Variants in DOCK8 observed in about 807,000 individuals in gnomAD.
DOCK8 encodes the protein dedicator of cytokinesis 8.
In DOCK8, 141 loss-of-function variants were observed where a neutral mutation model predicts 245.6. The observed-to-expected ratio is 0.57, with a 90% CI of 0.50 to 0.66. The LOEUF (loss-of-function observed/expected upper bound fraction) is 0.66. Among genes scored for constraint, DOCK8 ranks in the 30% least tolerant of loss-of-function variants. The pLI is 0.00. For synonymous variants in DOCK8, 1,168 were observed against 970.2 expected (o/e 1.20, Z -3.79); for missense variants, 2,965 against 2,603.4 (o/e 1.14, Z -3.02).
At chr9:336,814 A>G (rs371347200) in intron 12 of DOCK8, 96 bp downstream of exon 12, 31 of 1,460,478 alleles carry the variant, frequency 2.1e-5, no homozygotes, top group South Asian at 1.3e-4. Context: ...TAAGAGAGCA[A>G]ATTAGTTAAG....
At chr9:365,512 T>G in intron 14 of DOCK8, 1 of 437,174 alleles carries the variant, frequency 2.3e-6, no homozygotes, top group Non-Finnish European at 4.5e-6. Context: ...CATGCTTCTA[T>G]TATAGTAATG....
At chr9:263,408 C>T (rs1400573448) in intron 1 of DOCK8, among the ~76,000 whole-genome samples, 1 of 152,012 alleles carries the variant, frequency 6.6e-6, no homozygotes, top group Non-Finnish European at 1.5e-5. Flanking sequence ...ACATGAAATC[C>T]GTTTACCCCT....
intron 1 of DOCK8, among the ~76,000 whole-genome samples, chr9:255,712 C>T (rs912062375): frequency 1.1e-4 from 16 of 149,484 alleles, no homozygotes; most frequent in African/African-American, 3.9e-4. Flanking sequence ...ATAACTTTAC[C>T]GTACATAACT....
chr9:271,811 A>G, intron 2 of DOCK8, 82 bp downstream of exon 2: 1 of 912,058 alleles, frequency 1.1e-6, no homozygotes, highest in Non-Finnish European at 1.7e-6. Flanking sequence ...TGTTCCTTAG[A>G]TCTTCCTACC....
chr9:267,043 G>C, intron 1 of DOCK8, among the ~76,000 whole-genome samples: 1 of 152,166 alleles, frequency 6.6e-6, no homozygotes, highest in Non-Finnish European at 1.5e-5. Flanking sequence ...ACTAGGACCA[G>C]GGTAGAGATG....
rs139434120 is a variant in DOCK8, at chr9:336,873, C to G, written c.1422+155C>G. ...GCTGCTTATAATAGAGTATCTGAAA[C>G]TGGGTAATTTAAAAAGAAAAGGGAT... On this transcript the variant is annotated intron_variant, in intron 12 of 47. Coordinates refer to ENST00000432829, the MANE Select transcript of DOCK8 (RefSeq NM_203447.4). Among the ~76,000 whole-genome samples, 163 of 152,266 alleles carry G rather than the reference C, an allele frequency of 1.1e-3. 2 individuals carry two copies. In the East Asian group the frequency reaches 0.03, roughly 28 times the overall value.
At chr9:392,870 T>G (rs1327033469) in intron 24 of DOCK8, among the ~76,000 whole-genome samples, 1 of 151,608 alleles carries the variant, frequency 6.6e-6, no homozygotes, top group Non-Finnish European at 1.5e-5. Flanking sequence ...TATTTACACA[T>G]CCCACCCACC....
Position 382,223 on chromosome 9 carries a change from C to T in DOCK8, c.2606-290C>T, listed in dbSNP as rs893592905. Among the ~76,000 whole-genome samples the T allele has an allele frequency of 7.9e-5, 12 of 152,130 alleles. 1 individual carries two copies. Among genetic ancestry groups the T allele is most frequent in the Non-Finnish European group, 1.6e-4 (11 of 68,032 alleles). ...CAGAAGCTCTAGCAACCCTGGGGTC[C>T]ATTTCCCGATGGCAGTAATAGACTG... On this transcript the variant is annotated intron_variant, in intron 21 of 47. Coordinates refer to ENST00000432829, the MANE Select transcript of DOCK8 (RefSeq NM_203447.4).
rs2057114076 is a variant in DOCK8, at chr9:442,152, A to G, written c.5490+143A>G. The G allele has an allele frequency of 6.8e-6, 8 of 1,177,732 alleles. No individual in the cohort carries two copies. In the Admixed American group the frequency reaches 1.3e-4, roughly 19 times the overall value. 73.0% of individuals were successfully genotyped at this position (1,177,732 alleles called of 1,614,324 possible). A position where few individuals can be genotyped will look rare whatever the true frequency, so the allele number is the denominator to read the frequency against. On this transcript the variant is annotated intron_variant, in intron 42 of 47. Coordinates refer to ENST00000432829, the MANE Select transcript of DOCK8 (RefSeq NM_203447.4). ...AAGTTTTCCCCTTTGCATTTATAAA[A>G]GGCAAAGTAGAAAGGTATTAGGTGA...
chr9:282,676 G>T (rs962488053), intron 2 of DOCK8, among the ~76,000 whole-genome samples: 1 of 152,038 alleles, frequency 6.6e-6, no homozygotes, highest in Non-Finnish European at 1.5e-5. Flanking sequence ...TCCTGCGTTG[G>T]CCTCCCGAAG....
At chr9:254,434 C>G (rs769209313) in intron 1 of DOCK8, among the ~76,000 whole-genome samples, 4 of 152,160 alleles carry the variant, frequency 2.6e-5, no homozygotes, top group Non-Finnish European at 4.4e-5. Context: ...TAGTCCAGTT[C>G]GTCCTACTTA....
chr9:371,344 A>T (rs957914707), intron 16 of DOCK8, 84 bp from the exon 17 acceptor site: 2 of 1,537,728 alleles, frequency 1.3e-6, no homozygotes, highest in Non-Finnish European at 1.8e-6. Context: ...AATTCTGAGG[A>T]GCAAAGGGGC....
Position 343,810 on chromosome 9 carries a change from A to G in DOCK8, c.1679+3489A>G, listed in dbSNP as rs1331731586. ...AAACTTTATCCTATAATCGGGAAAC[A>G]ATGCTTGTGGCATTGGAAGAGACTT... On this transcript the variant is annotated intron_variant, in intron 14 of 47. Transcript: ENST00000432829. 2.6e-5 allele frequency among the ~76,000 whole-genome samples: 4 copies of G among 152,330 alleles called. No individual in the cohort carries two copies. The South Asian group carries it at 6.2e-4, about 24-fold the overall frequency.
At chr9:243,492 A>G (rs1015649560) in intron 1 of DOCK8, among the ~76,000 whole-genome samples, 1 of 152,160 alleles carries the variant, frequency 6.6e-6, no homozygotes, top group Non-Finnish European at 1.5e-5. Context: ...TGGAAAGATC[A>G]ATTGTTTCTT....
chr9:215,467 G>A lies in DOCK8; in HGVS notation c.53+438G>A, dbSNP rs2046728524. ...GTGAAGTGGCTGAAATTAGAGTTGC[G>A]TTTGAGGCAGGCTGCAAGCCTTCTG... is the stretch of plus-strand genomic sequence containing the variant. On this transcript the variant is annotated intron_variant, in intron 1 of 47. Transcript: ENST00000432829. The A allele has an allele frequency of 3.4e-6, 5 of 1,481,022 alleles. No homozygotes were observed. In the African/African-American group the frequency reaches 7.3e-5, roughly 22 times the overall value. 91.7% of individuals were successfully genotyped at this position (1,481,022 alleles called of 1,614,324 possible). A position where few individuals can be genotyped will look rare whatever the true frequency, so the allele number is the denominator to read the frequency against.
intron 4 of DOCK8, among the ~76,000 whole-genome samples, chr9:300,918 A>C (rs2049512535): frequency 6.6e-6 from 1 of 152,224 alleles, no homozygotes. Context: ...AGATATACAA[A>C]GAAGAGCTAG....
At chr9:417,396 A>G (rs182037687) in intron 29 of DOCK8, among the ~76,000 whole-genome samples, 165 of 152,394 alleles carry the variant, frequency 1.1e-3, no homozygotes, top group African/African-American at 3.8e-3. Flanking sequence ...AGATGGCTGT[A>G]ATGTCAACAG....
chr9:247,123 T>C (rs911742170), intron 1 of DOCK8, among the ~76,000 whole-genome samples: 3 of 152,256 alleles, frequency 2.0e-5, no homozygotes, highest in Middle Eastern at 3.2e-3. Flanking sequence ...TTCCTTCTCA[T>C]GCTTATTAAA....
intron 1 of DOCK8, among the ~76,000 whole-genome samples, chr9:270,105 C>G (rs1035902204): frequency 6.6e-6 from 1 of 152,198 alleles, no homozygotes; most frequent in Non-Finnish European, 1.5e-5. Flanking sequence ...GTGATTTGAT[C>G]TGCATTTCCC....
Sources: gnomAD v4.1 joint callset for allele counts (sites outside exome capture counted in the v4.1 genomes callset) on GRCh38, gnomAD v4.1.1 for gene constraint, MANE v1.5 for transcripts, NCBI Gene and HGNC (gene_info 2026-07-23, HGNC 2026-07-21) for gene names.